Variants in GPHN observed in about 807,000 individuals in gnomAD.
GPHN encodes gephyrin.
GPHN carries 17 observed loss-of-function variants against 95.5 expected under a neutral mutation model. That is an observed-to-expected ratio of 0.18 (90% CI 0.12 to 0.27). The LOEUF is 0.27. Among genes scored for constraint, GPHN ranks in the 10% least tolerant of loss-of-function variants. The pLI, the probability that GPHN is intolerant of heterozygous loss-of-function variation, is 1.00. For synonymous variants in GPHN, 320 were observed against 322.5 expected, an observed-to-expected ratio of 0.99 and a Z score of 0.08; for missense variants, 660 against 978.1, an observed-to-expected ratio of 0.67 and a Z score of 4.34.
chr14:67,213,852 C>T, the GPHN span, among the ~76,000 whole-genome samples: 1 of 152,162 alleles, frequency 6.6e-6, no homozygotes, highest in African/African-American at 2.4e-5. Flanking sequence ...TTAATGATTG[C>T]CATTCTAACT....
At chr14:66,717,788 C>T (rs1873922316) in intron 2 of GPHN, among the ~76,000 whole-genome samples, 2 of 152,172 alleles carry the variant, frequency 1.3e-5, no homozygotes, top group Non-Finnish European at 2.9e-5. Context: ...CTTGGTCTAG[C>T]CATCTACCGC....
At chr14:66,641,185 C>T (rs749469036) in intron 1 of GPHN, among the ~76,000 whole-genome samples, 5 of 152,212 alleles carry the variant, frequency 3.3e-5, no homozygotes, top group South Asian at 2.1e-4. Context: ...TTTGACGTAA[C>T]GGTGGTGCAA....
At chr14:67,727,684 G>A in the GPHN span, 4 of 200,506 alleles carry the variant, frequency 2.0e-5, no homozygotes, top group South Asian at 1.7e-4. Flanking sequence ...CTTTCACCAT[G>A]TTGTCCAGGT....
intron 1 of GPHN, among the ~76,000 whole-genome samples, chr14:66,619,945 C>G (rs1207872563): frequency 6.6e-6 from 1 of 152,048 alleles, no homozygotes; most frequent in Non-Finnish European, 1.5e-5. Flanking sequence ...GTACAAGGAC[C>G]CTTACGGGCC....
At chr14:66,847,731 T>C (rs1053556748) in intron 4 of GPHN, among the ~76,000 whole-genome samples, 1 of 152,124 alleles carries the variant, frequency 6.6e-6, no homozygotes, top group African/African-American at 2.4e-5. Flanking sequence ...ATATAAACAT[T>C]TTGTGGAGGT....
At chr14:67,574,142 C>T in the GPHN span, 1 of 1,101,382 alleles carries the variant, frequency 9.1e-7, no homozygotes, top group Non-Finnish European at 1.3e-6. The surrounding 1 kb of genome is among the most constrained non-coding windows in gnomAD (Gnocchi z 4.2). Context: ...GGCAGAAGGC[C>T]AGCCCCTTGG....
At chr14:67,307,043 A>G in the GPHN span, among the ~76,000 whole-genome samples, 2 of 151,596 alleles carry the variant, frequency 1.3e-5, no homozygotes. Flanking sequence ...GATGTCATGT[A>G]TGGCAATAAT....
chr14:67,600,085 G>C, the GPHN span: 2 of 1,593,482 alleles, frequency 1.3e-6, no homozygotes, highest in South Asian at 2.3e-5. Context: ...AGCGGTGAGC[G>C]AACGCAGCGA....
chr14:66,682,749 CA>C lies in GPHN; in HGVS notation c.143+1574del, dbSNP rs977072564. On this transcript the variant is annotated intron_variant, in intron 2 of 22. Coordinates refer to ENST00000478722, the MANE Select transcript of GPHN (RefSeq NM_020806.5). The stretch of plus-strand genomic sequence containing the variant: ...TGGGCGACAGAGCGAGGCTCCATCT[CA>C]AAAAAAAAATTATTATTGTATTATT... 4.8e-5 allele frequency among the ~76,000 whole-genome samples: 7 copies of C among 147,316 alleles called. No homozygotes were observed. In the East Asian group the frequency reaches 6.0e-4, roughly 13 times the overall value.
rs139577781 is a variant in GPHN, at chr14:66,806,217, G to A, written c.202-18257G>A. On this transcript the variant is annotated intron_variant, in intron 3 of 22. Transcript: ENST00000478722. ...GTCCCCTTTCAGCCACTGCTGGAGC[G>A]GCTAAGATGCAGGGCACCAAGTCCC... Among the ~76,000 whole-genome samples the A allele has an allele frequency of 3.7e-4, 57 of 152,244 alleles. No homozygotes were observed. In the East Asian group the frequency reaches 3.9e-3, roughly 10 times the overall value.
At chr14:66,911,225 T>C (rs914027404) in intron 5 of GPHN, among the ~76,000 whole-genome samples, 1 of 151,928 alleles carries the variant, frequency 6.6e-6, no homozygotes, top group Admixed American at 6.6e-5. Context: ...CAAGTCTGTA[T>C]GGACAGAAAA....
the GPHN span, among the ~76,000 whole-genome samples, chr14:67,295,370 A>G: frequency 1.3e-5 from 2 of 151,888 alleles, no homozygotes; most frequent in Non-Finnish European, 2.9e-5. Context: ...TACACCTGCA[A>G]TTCCAGCTGC....
chr14:67,632,889 C>A, the GPHN span, among the ~76,000 whole-genome samples: 23,333 of 133,170 alleles, frequency 0.18, 2,022 homozygotes, highest in Middle Eastern at 0.32. Context: ...GGCGTGATCT[C>A]GGCTCACTGC....
intron 11 of GPHN, among the ~76,000 whole-genome samples, chr14:67,060,687 C>T (rs1035912630): frequency 6.6e-6 from 1 of 152,226 alleles, no homozygotes; most frequent in Admixed American, 6.5e-5. Context: ...TACTTGTCTC[C>T]TTTAATTGGC....
At chr14:67,372,615 G>C in the GPHN span, among the ~76,000 whole-genome samples, 1 of 152,166 alleles carries the variant, frequency 6.6e-6, no homozygotes, top group East Asian at 1.9e-4. Flanking sequence ...CAGATCATGA[G>C]GTCAGGAGAT....
the GPHN span, chr14:67,338,658 AGAAGATTAGCAGGC>A: frequency 2.5e-6 from 4 of 1,614,164 alleles, no homozygotes; most frequent in Non-Finnish European, 3.4e-6. Flanking sequence ...CTCTTCAGCC[AGAAGATTAGCAGGC>A]TCCAACACCT....
At chr14:66,770,687 C>T (rs1041037709) in intron 2 of GPHN, among the ~76,000 whole-genome samples, 2 of 152,030 alleles carry the variant, frequency 1.3e-5, no homozygotes, top group African/African-American at 4.8e-5. Flanking sequence ...ATATTAATAC[C>T]GTAGTAGTCC....
intron 17 of GPHN, among the ~76,000 whole-genome samples, chr14:67,139,079 C>T (rs1350523155): frequency 6.6e-6 from 1 of 151,556 alleles, no homozygotes; most frequent in Non-Finnish European, 1.5e-5. Context: ...AAACATTAGC[C>T]AGCCATGGTG....
chr14:67,561,869 C>CG, the GPHN span: 2 of 755,740 alleles, frequency 2.6e-6, no homozygotes, highest in Non-Finnish European at 4.0e-6. Context: ...GACCCTGTCT[C>CG]AAAAAAAAAA....
Sources: allele counts gnomAD v4.1 joint callset (sites outside exome capture counted in the v4.1 genomes callset), GRCh38; gene constraint gnomAD v4.1.1; non-coding constraint Gnocchi (gnomAD v3.1); transcripts MANE v1.5; gene names NCBI Gene and HGNC (gene_info 2026-07-23, HGNC 2026-07-21).